MUTYH: variants seen among roughly 807,000 people sequenced by gnomAD.
MUTYH encodes mutY DNA glycosylase.
MUTYH carries 64 observed loss-of-function variants against 72.9 expected under a neutral mutation model. That is an observed-to-expected ratio of 0.88 (90% CI 0.72 to 1.08). The LOEUF (loss-of-function observed/expected upper bound fraction) is 1.08. MUTYH is among the 50% of genes least tolerant of loss of function. The pLI, the probability that MUTYH is intolerant of heterozygous loss-of-function variation, is 0.00. For synonymous variants in MUTYH, 234 were observed against 263.1 expected, an observed-to-expected ratio of 0.89 and a Z score of 1.07; for missense variants, 633 against 671.0, an observed-to-expected ratio of 0.94 and a Z score of 0.63.
At chr1:45,339,796 C>T in intron 1 of MUTYH, 103 bp downstream of exon 1, 1 of 1,276,414 alleles carries the variant, frequency 7.8e-7, no homozygotes, top group African/African-American at 1.5e-5. Context: ...CTTTCCCCCA[C>T]ACGACCCTCT....
At chr1:45,332,856 A>G in intron 6 of MUTYH, 22 bp from the exon 7 acceptor site, 2 of 1,614,158 alleles carry the variant, frequency 1.2e-6, no homozygotes, top group Non-Finnish European at 1.7e-6. Flanking sequence ...ATCAGAGGTC[A>G]AAGAGATCAC....
chr1:45,339,746 C>G, intron 1 of MUTYH, 153 bp downstream of exon 1: 1 of 1,011,858 alleles, frequency 9.9e-7, no homozygotes, highest in Non-Finnish European at 1.4e-6. Flanking sequence ...ACTGAGCTCT[C>G]CATCCTCTCT....
intron 1 of MUTYH, chr1:45,338,339 A>C (rs1646263140): frequency 7.9e-6 from 4 of 509,530 alleles, no homozygotes; most frequent in South Asian, 6.4e-5. Flanking sequence ...TTGCTTAAAC[A>C]CCTCAAGTGT....
intron 1 of MUTYH, among the ~76,000 whole-genome samples, chr1:45,339,301 C>A (rs138874933): frequency 1.3e-5 from 2 of 150,960 alleles, no homozygotes; most frequent in African/African-American, 4.9e-5. Context: ...CAACCTCTGC[C>A]TCCCAGGTTC....
intron 1 of MUTYH, among the ~76,000 whole-genome samples, chr1:45,335,677 C>T (rs556973652): frequency 4.0e-5 from 6 of 151,866 alleles, no homozygotes; most frequent in East Asian, 3.9e-4. Flanking sequence ...GCCAACATGG[C>T]GAAACCCCAT....
At chr1:45,340,141 G>C (rs1200035704), upstream of MUTYH, 2 of 1,581,308 alleles carry the variant, frequency 1.3e-6, no homozygotes, top group Admixed American at 1.8e-5. Flanking sequence ...TCGACCCATC[G>C]GCGACCCGAC....
rs769684812 is a variant in MUTYH at position 45,332,798 on chromosome 1, A to T, written c.457T>A (p.Ser153Thr). 3 of 1,614,082 alleles carry T rather than the reference A, an allele frequency of 1.9e-6. No homozygotes were observed. The highest frequency in any genetic ancestry group is 2.5e-6 in the Non-Finnish European group (3 of 1,179,996). Residue 153 changes from serine (S) to threonine (T), a missense_variant, in exon 7 of 16, where the codon TCT (serine) becomes ACT (threonine). Transcript: ENST00000456914. The part of the protein sequence containing the change: ...NQLWAGLGYY[S>T]RGRRLQEGAR... ...CCCTCCTGCAGCCGCCGGCCACGAG[A>T]ATAGTAGCCCAGGCCAGCCCAGAGT...
intron 1 of MUTYH, among the ~76,000 whole-genome samples, chr1:45,335,915 T>C (rs1351843827): frequency 7.9e-5 from 12 of 152,004 alleles, no homozygotes; most frequent in Non-Finnish European, 1.5e-5. Flanking sequence ...CACCCCAGAC[T>C]CTCCCAAAGC....
rs1553123034 is a variant in MUTYH at position 45,329,410 on chromosome 1, G to T, written c.1462C>A (p.Pro488Thr). 6.2e-7 allele frequency: 1 copy of T among 1,614,026 alleles called. No homozygotes were observed. The highest frequency in any genetic ancestry group is 8.5e-7 in the Non-Finnish European group (1 of 1,180,030). ...ATGCGGGGCTTTTTCCGACTGCACGGAGAGGACACCTGGGACCTTTTGGAA... is the reference window on the plus strand; with the variant it reads ...ATGCGGGGCTTTTTCCGACTGCACGTAGAGGACACCTGGGACCTTTTGGAA... ...MGSKRSQVSS[P>T]CSRKKPRMGQ... The change falls in exon 16 of 16, where the codon CCG becomes ACG. Residue 488 changes from proline to threonine, a missense_variant. Coordinates refer to ENST00000456914, the MANE Select transcript of MUTYH (RefSeq NM_001048174.2).
At chr1:45,335,668 C>A (rs1645772806) in intron 1 of MUTYH, among the ~76,000 whole-genome samples, 1 of 152,016 alleles carries the variant, frequency 6.6e-6, no homozygotes, top group Non-Finnish European at 1.5e-5. Context: ...ACCAGCCTGG[C>A]CAACATGGCG....
chr1:45,334,274 C>T (rs1265874995), intron 2 of MUTYH, 117 bp downstream of exon 2: 4 of 1,484,182 alleles, frequency 2.7e-6, no homozygotes, highest in African/African-American at 2.8e-5. Context: ...CAGGTGTGAG[C>T]CACCGCACCT....
intron 14 of MUTYH, 35 bp from the exon 15 acceptor site, chr1:45,330,592 T>C: frequency 6.3e-7 from 1 of 1,595,948 alleles, no homozygotes; most frequent in Non-Finnish European, 8.5e-7. Context: ...GGGCTGGCAC[T>C]TTTTGCAAAA....
rs1377373321 is a variant in MUTYH, at chr1:45,329,290, G to C, written c.*16C>G. On this transcript the variant is annotated 3_prime_UTR_variant, in exon 16 of 16. Coordinates refer to ENST00000456914, the MANE Select transcript of MUTYH (RefSeq NM_001048174.2). Reference sequence around the variant, plus strand: ...CTAACAACAGGATTCTCAGGGAATGGGGGCTTTCAGAGGTGTCACTGGGCT... The same window carrying C: ...CTAACAACAGGATTCTCAGGGAATGCGGGCTTTCAGAGGTGTCACTGGGCT... 3 of 1,614,190 alleles carry C rather than the reference G, an allele frequency of 1.9e-6. No homozygotes were observed. The Admixed American group carries it at 5.0e-5, about 27-fold the overall frequency.
In MUTYH at chr1:45,331,743, C is replaced by T; in HGVS notation, c.1020G>A (p.Arg340=). ...GAACACAGGTGGCAGAGCTCTCCTCCCTGGGGGGCTTGCGGCTGGCCTTTC... is the reference window on the plus strand; with the variant it reads ...GAACACAGGTGGCAGAGCTCTCCTCTCTGGGGGGCTTGCGGCTGGCCTTTC... ...FPRKASRKPP[R]EESSATCVLE... is the part of the protein sequence containing the mutation. The change falls in exon 12 of 16, where the codon AGG becomes AGA. Residue 340 remains arginine, a synonymous_variant. Coordinates refer to ENST00000456914, the MANE Select transcript of MUTYH (RefSeq NM_001048174.2). 1 of 1,614,174 alleles carries T rather than the reference C, an allele frequency of 6.2e-7. No individual in the cohort carries two copies. The highest frequency in any genetic ancestry group is 8.5e-7 in the Non-Finnish European group (1 of 1,180,022).
At chr1:45,330,290 A>G (rs542218058) in intron 15 of MUTYH, among the ~76,000 whole-genome samples, 1 of 150,376 alleles carries the variant, frequency 6.6e-6, no homozygotes, top group East Asian at 2.0e-4. Flanking sequence ...CACAAAACTC[A>G]GTACAGGCAT....
At position 45,332,240 on chromosome 1, in the gene MUTYH, C is replaced by T. The variant is rs786204085; in HGVS notation, c.775G>A (p.Ala259Thr). 6.2e-7 allele frequency: 1 copy of T among 1,614,118 alleles called. No homozygotes were observed. The highest frequency in any genetic ancestry group is 8.5e-7 in the Non-Finnish European group (1 of 1,179,986). ...GGGCGCTGTGGGGTACACACTGTGG[C>T]CCCTAGCTCCATGGCTGCTTGGTTG... ...DFNQAAMELG[A>T]TVCTPQRPLC... Residue 259 changes from alanine (A) to threonine (T), a missense_variant, in exon 10 of 16, where the codon GCC becomes ACC. Transcript: ENST00000456914.
At chr1:45,339,712 C>T (rs2149242739) in intron 1 of MUTYH, 187 bp downstream of exon 1, 1 of 770,452 alleles carries the variant, frequency 1.3e-6, no homozygotes, top group Non-Finnish European at 1.9e-6. Flanking sequence ...GCCCACTCCC[C>T]GCCTCTTTCA....
At chr1:45,333,385 CCACT>C (rs779483297) in intron 3 of MUTYH, 24 bp downstream of exon 3, 1 of 1,614,090 alleles carries the variant, frequency 6.2e-7, no homozygotes, top group Non-Finnish European at 8.5e-7. Flanking sequence ...TGCCTCCCAC[CCACT>C]GTCCCTGCTC....
At chr1:45,339,794 C>T (rs767958560) in intron 1 of MUTYH, 105 bp downstream of exon 1, 184 of 1,268,868 alleles carry the variant, frequency 1.5e-4, no homozygotes, top group Non-Finnish European at 1.8e-4. Flanking sequence ...TTCTTTCCCC[C>T]ACACGACCCT....
Sources: gnomAD v4.1 joint callset for allele counts (sites outside exome capture counted in the v4.1 genomes callset) on GRCh38, gnomAD v4.1.1 for gene constraint, MANE v1.5 for transcripts, NCBI Gene and HGNC (gene_info 2026-07-23, HGNC 2026-07-21) for gene names.